Variants in SHISA5 observed in about 807,000 individuals in gnomAD.
SHISA5 encodes the protein shisa family member 5.
In SHISA5, 21 loss-of-function variants were observed where a neutral mutation model predicts 27.5. The observed-to-expected ratio is 0.76, with a 90% confidence interval of 0.54 to 1.10. The LOEUF is 1.10. SHISA5 is among the 50% of genes least tolerant of loss of function. The pLI, the probability that SHISA5 is intolerant of heterozygous loss-of-function variation, is 0.00. For synonymous variants in SHISA5, 137 were observed against 142.2 expected, an observed-to-expected ratio of 0.96 and a Z score of 0.26; for missense variants, 314 against 336.3, an observed-to-expected ratio of 0.93 and a Z score of 0.52.
At chr3:48,500,756 A>C (rs2041729271) in intron 2 of SHISA5, among the ~76,000 whole-genome samples, 1 of 152,178 alleles carries the variant, frequency 6.6e-6, no homozygotes, top group Non-Finnish European at 1.5e-5. Context: ...GGTTCTGAAC[A>C]AAGGATACCC....
intron 3 of SHISA5, among the ~76,000 whole-genome samples, chr3:48,476,513 G>A (rs759764761): frequency 3.3e-5 from 5 of 152,150 alleles, no homozygotes; most frequent in Non-Finnish European, 5.9e-5. Context: ...CCATGGCCTC[G>A]ACAGCAGGGG....
chr3:48,492,316 A>G (rs1575327776), intron 2 of SHISA5, among the ~76,000 whole-genome samples: 1 of 151,972 alleles, frequency 6.6e-6, no homozygotes, highest in East Asian at 1.9e-4. Flanking sequence ...TAAAAATACA[A>G]AAAATTAGCC....
chr3:48,473,566 A>C lies in SHISA5; in HGVS notation c.315-3723T>G. On this transcript the variant is annotated intron_variant, in intron 3 of 5. Coordinates refer to ENST00000296444, the MANE Select transcript of SHISA5 (RefSeq NM_016479.6). This position sits in a 1 kb window ranked among gnomAD's most constrained non-coding sequence, Gnocchi z 4.3. ...TCCCTTTAGCTCCTCCTCTCCCACC[A>C]GCACTCTCTCCAATCTGTCTCCCCA... The C allele has an allele frequency of 7.9e-7, 1 of 1,268,364 alleles. No individual in the cohort carries two copies. Among genetic ancestry groups the C allele is most frequent in the Non-Finnish European group, 1.0e-6 (1 of 976,634 alleles). 78.6% of individuals were successfully genotyped at this position (1,268,364 alleles called of 1,614,324 possible).
rs1334943544 is a variant in SHISA5 at position 48,468,225 on chromosome 3, G to C, written c.*882C>G. Reference sequence around the variant, plus strand: ...GTTTCAGTCTCATATCAACTATCATGTTTGAAACAGAAAACAGGCAAAATG... The same window carrying C: ...GTTTCAGTCTCATATCAACTATCATCTTTGAAACAGAAAACAGGCAAAATG... On this transcript the variant is annotated 3_prime_UTR_variant, in exon 6 of 6. Transcript: ENST00000296444. The C allele has an allele frequency of 1.0e-6, 1 of 1,002,402 alleles. No individual in the cohort carries two copies. The highest frequency in any genetic ancestry group is 1.0e-4 in the East Asian group (1 of 9,716). 62.1% of individuals were successfully genotyped at this position (1,002,402 alleles called of 1,614,324 possible). A position where few individuals can be genotyped will look rare whatever the true frequency, so the allele number is the denominator to read the frequency against.
intron 2 of SHISA5, among the ~76,000 whole-genome samples, chr3:48,491,520 A>C (rs1411515683): frequency 6.6e-6 from 1 of 151,868 alleles, no homozygotes; most frequent in East Asian, 1.9e-4. Context: ...TGTTCTCAAG[A>C]CCTCCTGAGG....
intron 2 of SHISA5, among the ~76,000 whole-genome samples, chr3:48,486,394 T>G (rs1209135835): frequency 1.3e-5 from 1 of 78,602 alleles, no homozygotes; most frequent in Non-Finnish European, 2.2e-5. Context: ...TGTTATATAA[T>G]GTATAATATA....
At chr3:48,496,828 G>GA (rs1482483648) in intron 2 of SHISA5, among the ~76,000 whole-genome samples, 5 of 150,408 alleles carry the variant, frequency 3.3e-5, no homozygotes, top group African/African-American at 9.8e-5. Flanking sequence ...CTTTGAAATA[G>GA]AAAAAATATT....
intron 2 of SHISA5, among the ~76,000 whole-genome samples, chr3:48,496,467 G>A (rs1159122968): frequency 2.0e-5 from 3 of 151,852 alleles, no homozygotes; most frequent in Non-Finnish European, 4.4e-5. Context: ...GTGGTGGCAG[G>A]TGCCTGTAGT....
chr3:48,473,539 TG>T lies in SHISA5; in HGVS notation c.315-3697del. 1.0e-5 allele frequency: 13 copies of T among 1,285,428 alleles called. No homozygotes were observed. The highest frequency in any genetic ancestry group is 1.3e-5 in the Non-Finnish European group (13 of 986,736). The allele number at this position is 1,285,428 out of a possible 1,614,324, so 79.6% of individuals were successfully genotyped here. ...CACATGCAAGGAGCAAAGTCCAGCC[TG>T]TCCCTTTAGCTCCTCCTCTCCCACC... On this transcript the variant is annotated intron_variant, in intron 3 of 5. Transcript: ENST00000296444. The surrounding 1 kb of genome is among the most constrained non-coding windows in gnomAD (Gnocchi z 4.3).
chr3:48,503,913 TG>T, intron 1 of SHISA5, 105 bp downstream of exon 1: 2 of 1,325,370 alleles, frequency 1.5e-6, no homozygotes, highest in Non-Finnish European at 1.9e-6. Context: ...CAGGGGTCAG[TG>T]GGGGGCATAG....
chr3:48,497,091 G>A (rs1395386384), intron 2 of SHISA5, among the ~76,000 whole-genome samples: 3 of 151,098 alleles, frequency 2.0e-5, no homozygotes, highest in African/African-American at 7.3e-5. Flanking sequence ...ACTTAGCTGG[G>A]TGTGGTGGCA....
chr3:48,503,542 T>C (rs1258871476), intron 1 of SHISA5, among the ~76,000 whole-genome samples: 1 of 152,030 alleles, frequency 6.6e-6, no homozygotes, highest in African/African-American at 2.4e-5. Context: ...ACACACACAG[T>C]GGTGTCTCCA....
intron 2 of SHISA5, among the ~76,000 whole-genome samples, chr3:48,494,333 C>T (rs2041497092): frequency 7.3e-6 from 1 of 136,604 alleles, no homozygotes; most frequent in South Asian, 2.3e-4. Flanking sequence ...GAGTTTCACT[C>T]TGTTGCCAGG....
intron 2 of SHISA5, among the ~76,000 whole-genome samples, chr3:48,494,778 G>A (rs1000514465): frequency 4.8e-5 from 7 of 147,184 alleles, no homozygotes; most frequent in Admixed American, 4.6e-4. Flanking sequence ...GGATATATAC[G>A]CAGTGATGGG....
intron 2 of SHISA5, among the ~76,000 whole-genome samples, chr3:48,486,562 T>TTA (rs2107347619): frequency 8.0e-6 from 1 of 125,014 alleles, no homozygotes; most frequent in African/African-American, 3.1e-5. Flanking sequence ...ATTATATAGA[T>TTA]TATAGATTTT....
intron 3 of SHISA5, among the ~76,000 whole-genome samples, chr3:48,474,927 C>A (rs115288669): frequency 6.6e-6 from 1 of 152,166 alleles, no homozygotes; most frequent in African/African-American, 2.4e-5. Flanking sequence ...AGAGGCCAGG[C>A]CCCTCAGCAC....
chr3:48,497,183 G>A (rs1490853121), intron 2 of SHISA5, among the ~76,000 whole-genome samples: 1 of 151,556 alleles, frequency 6.6e-6, no homozygotes, highest in African/African-American at 2.4e-5. Context: ...AGTGAGCCGA[G>A]ATCATGCCAT....
chr3:48,488,804 G>C (rs1341042776), intron 2 of SHISA5, among the ~76,000 whole-genome samples: 8 of 143,962 alleles, frequency 5.6e-5, no homozygotes, highest in Non-Finnish European at 1.5e-5. Context: ...TTGCACTCCA[G>C]CCTGAGCAAC....
upstream of SHISA5, chr3:48,504,468 G>A (rs905574430): frequency 5.3e-6 from 1 of 188,214 alleles, no homozygotes; most frequent in South Asian, 1.9e-4. The surrounding 1 kb of genome is among the most constrained non-coding windows in gnomAD (Gnocchi z 4.0). Context: ...CAGGCCTGGA[G>A]GGCGTCCCCG....
Sources: gnomAD v4.1 joint callset for allele counts (sites outside exome capture counted in the v4.1 genomes callset) on GRCh38, gnomAD v4.1.1 for gene constraint, Gnocchi (gnomAD v3.1) non-coding constraint, MANE v1.5 for transcripts, NCBI Gene and HGNC (gene_info 2026-07-23, HGNC 2026-07-21) for gene names.